The following ARHGEF28 variants were observed in gnomAD, a reference collection of about 807,000 sequenced individuals.
ARHGEF28 encodes the protein 190 kDa guanine nucleotide exchange factor.
Under a neutral mutation model 206.6 loss-of-function variants are expected in ARHGEF28, and 152 were observed. The observed-to-expected ratio is 0.74, with a 90% CI of 0.64 to 0.84. The LOEUF is 0.84. Among genes scored for constraint, ARHGEF28 ranks in the 40% least tolerant of loss-of-function variants. The probability of loss-of-function intolerance (pLI) is 0.00; values close to 1 mark genes in which losing one functional copy is unlikely to be tolerated. For synonymous variants in ARHGEF28, 763 were observed against 776.4 expected (o/e 0.98, Z 0.29); for missense variants, 2,028 against 2,073.2 (o/e 0.98, Z 0.42).
Position 73,752,937 on chromosome 5 carries a change from A to G in ARHGEF28, c.210A>G (p.Val70=). The G allele has an allele frequency of 6.2e-7, 1 of 1,613,892 alleles. No individual in the cohort carries two copies. Among genetic ancestry groups the G allele is most frequent in the South Asian group, 1.1e-5 (1 of 91,030 alleles). ...PGHGLQETVT[V]SVCLCSEGYS... ...ATGGGCTTCAGGAGACGGTGACGGT[A>G]TCTGTGTGCCTCTGCTCGGAAGGTT... Residue 70 remains valine, a synonymous_variant, in exon 4 of 36, where the codon GTA becomes GTG. Transcript: ENST00000513042.
At position 73,840,697 on chromosome 5, in the gene ARHGEF28, A is replaced by T. The variant is rs1311142399; in HGVS notation, c.1364A>T (p.Asn455Ile). ...FMSPSSSCAS[N>I]LNLSFGWHGF... ...TCACCATCAAGTTCGTGTGCTTCCA[A>T]CTTGAATCTTTCTTTTGGTTGGCAT... The change falls in exon 11 of 36, where the codon AAC (asparagine) becomes ATC (isoleucine). Residue 455 changes from asparagine to isoleucine, a missense_variant. Physicochemically the swap from Asn to Ile is moderately radical, Grantham distance 149. Around this residue, in one of 3 missense-constraint regions of ARHGEF28, gnomAD observed 1,002 missense variants for 1,015.3 expected, o/e 0.99. Transcript: ENST00000513042. 6.2e-7 allele frequency: 1 copy of T among 1,612,868 alleles called. No homozygotes were observed. The highest frequency in any genetic ancestry group is 8.5e-7 in the Non-Finnish European group (1 of 1,179,314).
At chr5:73,704,275 C>T (rs957195211) in intron 2 of ARHGEF28, among the ~76,000 whole-genome samples, 1 of 152,128 alleles carries the variant, frequency 6.6e-6, no homozygotes, top group African/African-American at 2.4e-5. Context: ...CATCATCTAC[C>T]TGTTAGAAAG....
At chr5:73,689,445 C>T (rs1478598963) in intron 2 of ARHGEF28, among the ~76,000 whole-genome samples, 1 of 152,162 alleles carries the variant, frequency 6.6e-6, no homozygotes, top group African/African-American at 2.4e-5. Context: ...TGGGCCCTAG[C>T]AAGCCTCCTG....
At chr5:73,724,199 A>G (rs1333705163) in intron 2 of ARHGEF28, among the ~76,000 whole-genome samples, 1 of 152,256 alleles carries the variant, frequency 6.6e-6, no homozygotes, top group Non-Finnish European at 1.5e-5. Context: ...GTGTTCAAGC[A>G]AAATTCTCAA....
chr5:73,925,143 C>T (rs1275797605), intron 35 of ARHGEF28, among the ~76,000 whole-genome samples: 2 of 152,278 alleles, frequency 1.3e-5, no homozygotes, highest in Middle Eastern at 3.4e-3. Context: ...TAGAGCTTTT[C>T]TGCATCAGCT....
intron 10 of ARHGEF28, among the ~76,000 whole-genome samples, chr5:73,834,573 T>C (rs979581037): frequency 1.3e-4 from 20 of 148,554 alleles, no homozygotes; most frequent in East Asian, 2.0e-4. Context: ...TGTGTGTGTG[T>C]GCATGTGTGT....
chr5:73,667,626 T>A lies in ARHGEF28; in HGVS notation c.-11-17215T>A, dbSNP rs541353055. On this transcript the variant is annotated intron_variant, in intron 1 of 35. Transcript: ENST00000513042. ...TAGCAAACAGTTGATTGGCCACACC[T>A]TTAGTATTCTTTCCTGGACAGCTTT... Among the ~76,000 whole-genome samples, 5 of 152,320 alleles carry A rather than the reference T, an allele frequency of 3.3e-5. No individual in the cohort carries two copies. The East Asian group carries it at 9.6e-4, about 29-fold the overall frequency.
At chr5:73,790,681 GAAAA>G (rs33944186) in intron 7 of ARHGEF28, among the ~76,000 whole-genome samples, 1 of 141,990 alleles carries the variant, frequency 7.0e-6, no homozygotes. Flanking sequence ...CCACTTTTAG[GAAAA>G]AAAAAAAAAA....
At chr5:73,894,691 TC>T in intron 29 of ARHGEF28, 116 bp downstream of exon 29, 1 of 1,236,286 alleles carries the variant, frequency 8.1e-7, no homozygotes, top group East Asian at 2.5e-5. Context: ...CAAGACAAGG[TC>T]CTTACTCGGC....
At chr5:73,881,143 C>T (rs1760909256) in intron 22 of ARHGEF28, among the ~76,000 whole-genome samples, 1 of 151,812 alleles carries the variant, frequency 6.6e-6, no homozygotes. Context: ...ATCATGTGGG[C>T]ATCTGGGTTA....
intron 2 of ARHGEF28, among the ~76,000 whole-genome samples, chr5:73,715,200 C>T (rs1749507397): frequency 6.6e-6 from 1 of 152,188 alleles, no homozygotes; most frequent in Admixed American, 6.5e-5. Flanking sequence ...ATAGGAACAA[C>T]AGAAAGTCAC....
chr5:73,923,069 G>C, intron 35 of ARHGEF28: 1 of 1,533,846 alleles, frequency 6.5e-7, no homozygotes, highest in Middle Eastern at 1.7e-4. Context: ...TGGTAATGCG[G>C]CCATATTTTG....
At chr5:73,673,353 G>A (rs992080676) in intron 1 of ARHGEF28, among the ~76,000 whole-genome samples, 5 of 152,148 alleles carry the variant, frequency 3.3e-5, no homozygotes, top group Non-Finnish European at 7.4e-5. Flanking sequence ...AACTAACATG[G>A]CAAATAGAAT....
At chr5:73,639,615 A>G (rs151245230) in intron 1 of ARHGEF28, among the ~76,000 whole-genome samples, 63 of 152,278 alleles carry the variant, frequency 4.1e-4, no homozygotes, top group African/African-American at 1.5e-3. Flanking sequence ...TACAATAGAT[A>G]ATTTCTAATA....
At chr5:73,635,589 T>C (rs1363326349) in intron 1 of ARHGEF28, among the ~76,000 whole-genome samples, 1 of 152,194 alleles carries the variant, frequency 6.6e-6, no homozygotes, top group African/African-American at 2.4e-5. Context: ...AATTTGGATA[T>C]GGTAGTGTAG....
chr5:73,791,480 T>C, intron 7 of ARHGEF28, among the ~76,000 whole-genome samples: 1 of 152,222 alleles, frequency 6.6e-6, no homozygotes. Flanking sequence ...AAGACAACAC[T>C]GGTGGTCTGG....
intron 9 of ARHGEF28, among the ~76,000 whole-genome samples, chr5:73,816,184 T>C (rs1211605262): frequency 6.6e-6 from 1 of 152,056 alleles, no homozygotes; most frequent in Non-Finnish European, 1.5e-5. Flanking sequence ...CTGTCTCTGC[T>C]TACAGGGATC....
intron 13 of ARHGEF28, 41 bp downstream of exon 13, chr5:73,849,128 C>A: frequency 7.4e-7 from 1 of 1,357,870 alleles, no homozygotes; most frequent in Non-Finnish European, 1.0e-6. Flanking sequence ...ACACTCTATT[C>A]CAGAACAGAT....
chr5:73,728,418 A>T (rs1750409985), intron 2 of ARHGEF28, among the ~76,000 whole-genome samples: 1 of 152,206 alleles, frequency 6.6e-6, no homozygotes, highest in African/African-American at 2.4e-5. Flanking sequence ...TTTTCTTTCA[A>T]GTCAGATGTG....
Sources: gnomAD v4.1 joint callset for allele counts (sites outside exome capture counted in the v4.1 genomes callset) on GRCh38, gnomAD v4.1.1 for gene constraint, gnomAD v4.1.1 regional missense constraint, MANE v1.5 for transcripts, NCBI Gene and HGNC (gene_info 2026-07-23, HGNC 2026-07-21) for gene names.